The following GBP4 variants were observed in gnomAD, a reference collection of about 807,000 sequenced individuals.
GBP4 encodes the protein guanylate-binding protein 4.
GBP4 carries 69 observed loss-of-function variants against 62.2 expected under a neutral mutation model. The ratio of observed to expected loss-of-function variants is 1.11; its 90% CI spans 0.91 to 1.36. The LOEUF is 1.36. Among genes scored for constraint, GBP4 ranks in the 40% most tolerant of loss-of-function variants. The probability of loss-of-function intolerance (pLI) is 0.00; values close to 1 mark genes in which losing one functional copy is unlikely to be tolerated. For synonymous variants in GBP4, 278 were observed against 274.6 expected, an observed-to-expected ratio of 1.01 and a Z score of -0.12; for missense variants, 697 against 759.3, an observed-to-expected ratio of 0.92 and a Z score of 0.96.
In GBP4 at chr1:89,186,251, T is replaced by G; in HGVS notation, c.1707+82A>C. 2.8e-6 allele frequency: 3 copies of G among 1,055,008 alleles called. No individual in the cohort carries two copies. In the Admixed American group the frequency reaches 6.4e-5, roughly 23 times the overall value. The allele number at this position is 1,055,008 out of a possible 1,614,324, so 65.4% of individuals were successfully genotyped here. ...TTGTGTTTCCTTCTGGAATCATGAC[T>G]GTGCCTAAAATTTTGGTCCTTCCTT... On this transcript the variant is annotated intron_variant, in intron 10 of 10. Transcript: ENST00000355754.
intron 8 of GBP4, among the ~76,000 whole-genome samples, 171 bp downstream of exon 8, chr1:89,188,411 A>G (rs1463193418): frequency 1.3e-5 from 2 of 152,160 alleles, no homozygotes; most frequent in African/African-American, 4.8e-5. Flanking sequence ...AATATTTCTG[A>G]TTTCTTAAGA....
At position 89,185,460 on chromosome 1, in the gene GBP4, C is replaced by T; in HGVS notation, c.1717G>A (p.Glu573Lys). ...TTTTGAAATTCTTCCTTAAGCATTT[C>T]TTCTTGTACCTATAAAAGGGAAATA... ...LLKHKLKVQE[E>K]MLKEEFQKKS... Residue 573 changes from glutamate (E) to lysine (K), a missense_variant, in exon 11 of 11, where the codon GAA (glutamate) becomes AAA (lysine). This residue lies in a region of GBP4 where 141 missense variants were observed against 196.6 expected (regional missense o/e 0.72). Transcript: ENST00000355754. 1 of 1,511,986 alleles carries T rather than the reference C, an allele frequency of 6.6e-7. No homozygotes were observed. The highest frequency in any genetic ancestry group is 9.2e-7 in the Non-Finnish European group (1 of 1,090,994). The allele number at this position is 1,511,986 out of a possible 1,614,324, so 93.7% of individuals were successfully genotyped here.
rs183500556 is a variant in GBP4 at position 89,197,100 on chromosome 1, C to T, written c.235+10G>A. 2.5e-6 allele frequency: 4 copies of T among 1,605,102 alleles called. No homozygotes were observed. The East Asian group carries it at 8.9e-5, about 36-fold the overall frequency. On this transcript the variant is annotated intron_variant, in intron 2 of 10. Transcript: ENST00000355754. ...CAAGTAAATGGCTCCTGTCCTAGGA[C>T]CACACTCACCATTGCGCTTTCCTGC...
chr1:89,186,327 A>T lies in GBP4; in HGVS notation c.1707+6T>A. The T allele has an allele frequency of 6.2e-7, 1 of 1,611,144 alleles. No individual in the cohort carries two copies. The highest frequency in any genetic ancestry group is 8.5e-7 in the Non-Finnish European group (1 of 1,177,902). ...TCAGGCACTGCCATTCTTCACGGAG[A>T]CTCACCTTCAGCTTGTGTTTTAGCA... On this transcript the variant is annotated splice_donor_region_variant and intron_variant, in intron 10 of 10. Coordinates refer to ENST00000355754, the MANE Select transcript of GBP4 (RefSeq NM_052941.5).
In GBP4 at chr1:89,185,473, T is replaced by C. The variant is rs1648012284; in HGVS notation, c.1708-4A>G. The C allele has an allele frequency of 6.9e-7, 1 of 1,457,712 alleles. No individual in the cohort carries two copies. Among genetic ancestry groups the C allele is most frequent in the African/African-American group, 1.4e-5 (1 of 71,518 alleles). 90.3% of individuals were successfully genotyped at this position (1,457,712 alleles called of 1,614,324 possible). A position where few individuals can be genotyped will look rare whatever the true frequency, so the allele number is the denominator to read the frequency against. ...CCTTAAGCATTTCTTCTTGTACCTATAAAAGGGAAATAGTCCACTTTTGAA... is the reference window on the plus strand; with the variant it reads ...CCTTAAGCATTTCTTCTTGTACCTACAAAAGGGAAATAGTCCACTTTTGAA... On this transcript the variant is annotated splice_polypyrimidine_tract_variant and splice_region_variant and intron_variant, in intron 10 of 10. Coordinates refer to ENST00000355754, the MANE Select transcript of GBP4 (RefSeq NM_052941.5).
At chr1:89,193,226 A>G (rs1028818688) in intron 4 of GBP4, 77 bp downstream of exon 4, 5 of 1,531,474 alleles carry the variant, frequency 3.3e-6, no homozygotes, top group Non-Finnish European at 4.5e-6. Context: ...CAACTGAGTC[A>G]CAGCAAAGAA....
chr1:89,185,411 T>C lies in GBP4; in HGVS notation c.1766A>G (p.Glu589Gly). ...AATTTTTTCTTTCAGTTGATTAATC[T>C]CTTTATTTAACTGCTCAGATTTCTT... Reference protein sequence around the residue: ...FQKKSEQLNKEINQLKEKIES... With the variant: ...FQKKSEQLNKGINQLKEKIES... Residue 589 changes from glutamate (E) to glycine (G), a missense_variant, in exon 11 of 11, where the codon GAG (glutamate) becomes GGG (glycine). Around this residue, in one of 2 missense-constraint regions of GBP4, gnomAD observed 141 missense variants for 196.6 expected, o/e 0.72. Transcript: ENST00000355754. 1.3e-6 allele frequency: 2 copies of C among 1,583,160 alleles called. No homozygotes were observed. Among genetic ancestry groups the C allele is most frequent in the Non-Finnish European group, 1.7e-6 (2 of 1,151,970 alleles).
intron 2 of GBP4, 25 bp downstream of exon 2, chr1:89,197,085 G>C: frequency 6.3e-7 from 1 of 1,578,194 alleles, no homozygotes; most frequent in Non-Finnish European, 8.6e-7. Context: ...CAAGTAAATG[G>C]CTCCTGTCCT....
chr1:89,186,664 T>C (rs1648045941), intron 9 of GBP4, 138 bp from the exon 10 acceptor site: 2 of 796,296 alleles, frequency 2.5e-6, no homozygotes, highest in Non-Finnish European at 3.9e-6. Flanking sequence ...TCACTAGCCA[T>C]GTCTGGAAGA....
chr1:89,190,448 T>A (rs1258859130), intron 6 of GBP4, 130 bp from the exon 7 acceptor site: 4 of 642,340 alleles, frequency 6.2e-6, no homozygotes, highest in Non-Finnish European at 9.8e-6. Context: ...TTTATTCTCT[T>A]CCTCCTCCTT....
At chr1:89,195,484 T>G (rs1195723025) in intron 2 of GBP4, 60 bp from the exon 3 acceptor site, 12 of 1,590,738 alleles carry the variant, frequency 7.5e-6, no homozygotes, top group Non-Finnish European at 1.0e-5. Context: ...TGTCCCAGGA[T>G]TACACCGGTT....
Position 89,182,605 on chromosome 1 carries a change from C to T in GBP4, c.*2649G>A, listed in dbSNP as rs1390462989. On this transcript the variant is annotated 3_prime_UTR_variant, in exon 11 of 11. Transcript: ENST00000355754. ...CACGCCATTCTCCTGCCTCAGCCTC[C>T]CGTGTAGCTGGGACTACAGGCGCGT... 6.6e-6 allele frequency: 1 copy of T among 152,026 alleles called. No individual in the cohort carries two copies. Among genetic ancestry groups the T allele is most frequent in the Non-Finnish European group, 1.5e-5 (1 of 68,010 alleles). 9.4% of individuals were successfully genotyped at this position (152,026 alleles called of 1,614,324 possible). A position where few individuals can be genotyped will look rare whatever the true frequency, so the allele number is the denominator to read the frequency against.
chr1:89,189,294 TTG>T (rs1251372060), intron 7 of GBP4, among the ~76,000 whole-genome samples: 1 of 152,230 alleles, frequency 6.6e-6, no homozygotes, highest in Non-Finnish European at 1.5e-5. Flanking sequence ...TTGTTTGTAT[TTG>T]TAAGTTACAA....
chr1:89,197,234 TG>T lies in GBP4; in HGVS notation c.110del (p.Thr37LysfsTer2), dbSNP rs1224531062. On this transcript the variant is annotated frameshift_variant, in exon 2 of 11. Transcript: ENST00000355754. LOFTEE classifies it high-confidence loss of function. ...CLVENQEEQL[T>X]VNSKALEILD... ...GAATCTCTAATGCCTTTGAATTCACTGTCAGCTGCTCTTCCTGGTTTTCCAC... is the reference window on the plus strand; with the variant it reads ...GAATCTCTAATGCCTTTGAATTCACTTCAGCTGCTCTTCCTGGTTTTCCAC... 2.5e-6 allele frequency: 4 copies of T among 1,614,084 alleles called. No individual in the cohort carries two copies. In the East Asian group the frequency reaches 8.9e-5, roughly 36 times the overall value.
Position 89,188,740 on chromosome 1 carries a change from C to T in GBP4, c.1252G>A (p.Ala418Thr). The change falls in exon 8 of 11, where the codon GCC becomes ACC. Residue 418 changes from alanine to threonine, a missense_variant. By Grantham distance (58) the Ala-to-Thr change is moderately conservative. This residue lies in a region of GBP4 where 556 missense variants were observed against 562.7 expected (regional missense o/e 0.99). Coordinates refer to ENST00000355754, the MANE Select transcript of GBP4 (RefSeq NM_052941.5). ...TTAAGCTCAGCCTGGCAATATTTGG[C>T]AGATGCCTCTTCATTCTGCAGCACA... ...DFVLQNEEASAKYCQAELKRL... is the reference protein window; with the variant it reads ...DFVLQNEEASTKYCQAELKRL... 6.2e-7 allele frequency: 1 copy of T among 1,614,270 alleles called. No homozygotes were observed. The highest frequency in any genetic ancestry group is 8.5e-7 in the Non-Finnish European group (1 of 1,180,050).
intron 3 of GBP4, among the ~76,000 whole-genome samples, chr1:89,194,106 G>A (rs369617149): frequency 9.2e-5 from 14 of 152,188 alleles, no homozygotes; most frequent in African/African-American, 3.4e-4. Flanking sequence ...TGTGAAGAAG[G>A]ACGGATAAAG....
Position 89,190,276 on chromosome 1 carries a change from C to T in GBP4, c.959G>A (p.Ser320Asn), listed in dbSNP as rs150829936. ...LVVTYVDAIN[S>N]GAVPCLENAV... ...ATTCTCCAGACAAGGTACTGCTCCACTGTTGATGGCATCTACATAAGTCAC... is the reference window on the plus strand; with the variant it reads ...ATTCTCCAGACAAGGTACTGCTCCATTGTTGATGGCATCTACATAAGTCAC... Residue 320 changes from serine (S) to asparagine (N), a missense_variant, in exon 7 of 11, where the codon AGT becomes AAT. Coordinates refer to ENST00000355754, the MANE Select transcript of GBP4 (RefSeq NM_052941.5). 6.2e-7 allele frequency: 1 copy of T among 1,613,700 alleles called. No homozygotes were observed. The highest frequency in any genetic ancestry group is 1.3e-5 in the African/African-American group (1 of 74,930).
chr1:89,198,630 G>A, intron 1 of GBP4, 165 bp downstream of exon 1: 1 of 681,444 alleles, frequency 1.5e-6, no homozygotes, highest in Non-Finnish European at 2.7e-6. Flanking sequence ...AAGCACTCAG[G>A]GGTTCAAGCA....
chr1:89,184,992 T>G lies in GBP4; in HGVS notation c.*262A>C. The G allele has an allele frequency of 3.4e-6, 1 of 297,710 alleles. No individual in the cohort carries two copies. Among genetic ancestry groups the G allele is most frequent in the South Asian group, 9.0e-5 (1 of 11,132 alleles). The allele number at this position is 297,710 out of a possible 1,614,324, so 18.4% of individuals were successfully genotyped here. A position where few individuals can be genotyped will look rare whatever the true frequency, so the allele number is the denominator to read the frequency against. On this transcript the variant is annotated 3_prime_UTR_variant, in exon 11 of 11. Transcript: ENST00000355754. ...TTCTTAATCTTACCAGTTGTCTTTTTGCTTTCCTTAAATCTTTTCTAGGAA... is the reference window on the plus strand; with the variant it reads ...TTCTTAATCTTACCAGTTGTCTTTTGGCTTTCCTTAAATCTTTTCTAGGAA...
Sources: allele counts gnomAD v4.1 joint callset (sites outside exome capture counted in the v4.1 genomes callset), GRCh38; gene constraint gnomAD v4.1.1; regional missense constraint gnomAD v4.1.1; transcripts MANE v1.5; gene names NCBI Gene and HGNC (gene_info 2026-07-23, HGNC 2026-07-21).